MACROD2: variants seen among roughly 807,000 people sequenced by gnomAD.
MACROD2 encodes the protein mono-ADP ribosylhydrolase 2.
In MACROD2, 36 loss-of-function variants were observed where a neutral mutation model predicts 70.4. The observed-to-expected ratio is 0.51, with a 90% CI of 0.39 to 0.68. The LOEUF (loss-of-function observed/expected upper bound fraction) is 0.68, where lower values mean the gene tolerates loss of function less well. Ranked by LOEUF, MACROD2 falls within the 30% of genes least tolerant of loss-of-function variation. The pLI, the probability that MACROD2 is intolerant of heterozygous loss-of-function variation, is 0.00. For synonymous variants in MACROD2, 172 were observed against 178.8 expected, an observed-to-expected ratio of 0.96 and a Z score of 0.30; for missense variants, 496 against 538.4, an observed-to-expected ratio of 0.92 and a Z score of 0.78.
At chr20:15,845,357 C>T (rs935060573) in intron 8 of MACROD2, among the ~76,000 whole-genome samples, 10 of 152,182 alleles carry the variant, frequency 6.6e-5, no homozygotes, top group African/African-American at 2.2e-4. Context: ...TCTATGAAGA[C>T]GGTCAGTAAC....
At chr20:15,467,829 C>T (rs1250885570) in intron 7 of MACROD2, among the ~76,000 whole-genome samples, 4 of 152,130 alleles carry the variant, frequency 2.6e-5, no homozygotes, top group Non-Finnish European at 4.4e-5. Flanking sequence ...TGTATAGTGG[C>T]AAGGGAGAGG....
At chr20:15,907,545 T>C (rs1176072341) in intron 10 of MACROD2, among the ~76,000 whole-genome samples, 3 of 152,262 alleles carry the variant, frequency 2.0e-5, no homozygotes, top group African/African-American at 7.2e-5. Context: ...TAGCAAAGGG[T>C]TAATATTACA....
In MACROD2 at chr20:14,059,630, AG is replaced by A. The variant is rs2053669732; in HGVS notation, c.164-25987del. ...AAGCTGGGTGGAGTGGTTCAGGGAG[AG>A]GGGTTAGCCAATGCCCTGATGAGGT... On this transcript the variant is annotated intron_variant, in intron 2 of 17. Transcript: ENST00000684519. Among the ~76,000 whole-genome samples, 3 of 152,246 alleles carry A rather than the reference AG, an allele frequency of 2.0e-5. No individual in the cohort carries two copies. The South Asian group carries it at 6.2e-4, about 32-fold the overall frequency.
chr20:14,531,699 T>C (rs1321589573), intron 4 of MACROD2, among the ~76,000 whole-genome samples: 1 of 152,220 alleles, frequency 6.6e-6, no homozygotes, highest in Admixed American at 6.5e-5. Flanking sequence ...TGTTCTCATC[T>C]ATGATTATCA....
chr20:14,672,026 T>C (rs2070801110), intron 4 of MACROD2, among the ~76,000 whole-genome samples: 1 of 152,224 alleles, frequency 6.6e-6, no homozygotes, highest in Non-Finnish European at 1.5e-5. Context: ...GTGTCTTCCT[T>C]TGAGAGTGGC....
intron 5 of MACROD2, among the ~76,000 whole-genome samples, chr20:14,719,546 TGGG>T: frequency 6.6e-6 from 1 of 151,456 alleles, no homozygotes; most frequent in South Asian, 2.1e-4. Context: ...TTTGCAAACA[TGGG>T]GGCCTGATTA....
chr20:14,687,850 A>T (rs1568739250), intron 5 of MACROD2, among the ~76,000 whole-genome samples: 1 of 152,246 alleles, frequency 6.6e-6, no homozygotes, highest in African/African-American at 2.4e-5. Flanking sequence ...TTAAAAGCAT[A>T]AAGGAAAGCA....
intron 4 of MACROD2, among the ~76,000 whole-genome samples, chr20:14,550,193 G>A (rs928718775): frequency 6.6e-6 from 1 of 152,098 alleles, no homozygotes; most frequent in African/African-American, 2.4e-5. Flanking sequence ...AAAGTGTTGG[G>A]ATTACAGGTG....
intron 3 of MACROD2, among the ~76,000 whole-genome samples, chr20:14,142,305 C>T (rs919928213): frequency 2.0e-5 from 3 of 152,142 alleles, no homozygotes; most frequent in African/African-American, 7.2e-5. Context: ...TGTGATTCCA[C>T]CAGTCTGAAC....
At chr20:15,889,584 G>T (rs1227997515) in intron 10 of MACROD2, among the ~76,000 whole-genome samples, 3 of 152,168 alleles carry the variant, frequency 2.0e-5, no homozygotes, top group South Asian at 2.1e-4. Flanking sequence ...ACTCCCATGG[G>T]AGGTAGAAGA....
chr20:15,538,686 G>A (rs970464750), intron 8 of MACROD2, among the ~76,000 whole-genome samples: 2 of 152,150 alleles, frequency 1.3e-5, no homozygotes, highest in Non-Finnish European at 2.9e-5. Context: ...TAAAAATGCT[G>A]TCTTTTTGAC....
In MACROD2 at chr20:16,005,541, C is replaced by T. The variant is rs537214642; in HGVS notation, c.1153+18383C>T. Among the ~76,000 whole-genome samples, 3 of 152,276 alleles carry T rather than the reference C, an allele frequency of 2.0e-5. No homozygotes were observed. In the East Asian group the frequency reaches 5.8e-4, roughly 29 times the overall value. On this transcript the variant is annotated intron_variant, in intron 15 of 17. Coordinates refer to ENST00000684519, the MANE Select transcript of MACROD2 (RefSeq NM_001351661.2). ...CTCCATCTGCAATTGCCTTTGAGGA[C>T]CAGAGATAATCAGAAAAAAAGTACA...
At chr20:14,106,492 T>TG (rs1368689125) in intron 3 of MACROD2, among the ~76,000 whole-genome samples, 2 of 151,974 alleles carry the variant, frequency 1.3e-5, no homozygotes, top group Non-Finnish European at 2.9e-5. Context: ...ACCTAGGGCC[T>TG]GGGGGATCTC....
At chr20:14,433,519 G>C (rs1366566423) in intron 3 of MACROD2, among the ~76,000 whole-genome samples, 1 of 152,134 alleles carries the variant, frequency 6.6e-6, no homozygotes, top group African/African-American at 2.4e-5. Flanking sequence ...AAGATAGAGA[G>C]AACTGCAGAA....
chr20:14,034,771 G>A (rs1436903198), intron 2 of MACROD2, among the ~76,000 whole-genome samples: 2 of 152,272 alleles, frequency 1.3e-5, no homozygotes, highest in East Asian at 3.9e-4. Context: ...TTAATGAATT[G>A]TTTCCTCACA....
intron 8 of MACROD2, among the ~76,000 whole-genome samples, chr20:15,696,846 G>GTCCATA (rs1394438030): frequency 2.6e-5 from 4 of 151,930 alleles, no homozygotes; most frequent in Non-Finnish European, 5.9e-5. Flanking sequence ...GCATAAAGGT[G>GTCCATA]TCCATAGTAG....
At chr20:14,513,489 A>G (rs1034154618) in intron 4 of MACROD2, among the ~76,000 whole-genome samples, 1 of 152,134 alleles carries the variant, frequency 6.6e-6, no homozygotes, top group African/African-American at 2.4e-5. Flanking sequence ...CAAGGGAAAT[A>G]TAATTGTGTT....
chr20:15,504,023 C>G (rs1044428338), intron 8 of MACROD2, among the ~76,000 whole-genome samples: 2 of 152,124 alleles, frequency 1.3e-5, no homozygotes, highest in African/African-American at 2.4e-5. Context: ...TACATTTCAC[C>G]ATTAACTTAC....
chr20:15,659,617 G>A (rs1240260949), intron 8 of MACROD2, among the ~76,000 whole-genome samples: 1 of 151,716 alleles, frequency 6.6e-6, no homozygotes, highest in African/African-American at 2.4e-5. Context: ...CACATTAGGG[G>A]GTAAGACACT....
Sources: allele counts gnomAD v4.1 joint callset (sites outside exome capture counted in the v4.1 genomes callset), GRCh38; gene constraint gnomAD v4.1.1; transcripts MANE v1.5; gene names NCBI Gene and HGNC (gene_info 2026-07-23, HGNC 2026-07-21).